Variants in PKD1 observed in about 807,000 individuals in gnomAD.
PKD1 encodes the protein polycystin-1.
PKD1 carries 81 observed loss-of-function variants against 361.7 expected under a neutral mutation model. That is an observed-to-expected ratio of 0.22 (90% CI 0.19 to 0.27). The LOEUF is 0.27. PKD1 is among the 10% of genes least tolerant of loss of function. The probability of loss-of-function intolerance (pLI) is 1.00; values close to 1 mark genes in which losing one functional copy is unlikely to be tolerated. For missense variants in PKD1, 6,399 were observed against 6,118.3 expected, an observed-to-expected ratio of 1.05 and a Z score of -1.53; for synonymous variants, 3,615 against 2,818.3, an observed-to-expected ratio of 1.28 and a Z score of -8.95.
At chr16:2,096,468 C>T (rs890875667) in intron 34 of PKD1, among the ~76,000 whole-genome samples, 1 of 152,266 alleles carries the variant, frequency 6.6e-6, no homozygotes, top group African/African-American at 2.4e-5. Context: ...ACAAGGTAAC[C>T]TCTATATGAC....
At position 2,110,122 on chromosome 16, in the gene PKD1, C is replaced by T. The variant is rs752163354; in HGVS notation, c.5045G>A (p.Gly1682Asp). The T allele has an allele frequency of 1.9e-6, 3 of 1,609,518 alleles. No homozygotes were observed. The highest frequency in any genetic ancestry group is 2.5e-6 in the Non-Finnish European group (3 of 1,179,326). Residue 1682 changes from glycine to aspartate, a missense_variant, in exon 15 of 46, where the codon GGC becomes GAC. Transcript: ENST00000262304. ...GGCCTCGAGCACGGTGAGCGAGAAG[C>T]CTTTGCCGCTGCCGGCCAGGGCCGG... Reference protein sequence around the residue: ...RGPALAGSGKGFSLTVLEAGT... With the variant: ...RGPALAGSGKDFSLTVLEAGT...
intron 1 of PKD1, chr16:2,123,570 C>A (rs571253996): frequency 1.7e-4 from 77 of 453,956 alleles, no homozygotes; most frequent in Non-Finnish European, 2.7e-4. Context: ...CCCCCCACCC[C>A]GCCCCTCGGG....
In PKD1 at chr16:2,107,875, G is replaced by C; in HGVS notation, c.7065+8C>G. ...AAGGCAAGTGGCCGAGGGGCGGGCGGCACCCACCGTCTGGTTGGTGGCCTC... is the reference window on the plus strand; with the variant it reads ...AAGGCAAGTGGCCGAGGGGCGGGCGCCACCCACCGTCTGGTTGGTGGCCTC... On this transcript the variant is annotated splice_region_variant and intron_variant, in intron 16 of 45. Transcript: ENST00000262304. The C allele has an allele frequency of 6.5e-7, 1 of 1,541,904 alleles. No homozygotes were observed. The highest frequency in any genetic ancestry group is 8.7e-7 in the Non-Finnish European group (1 of 1,145,206).
Position 2,089,297 on chromosome 16 carries a change from A to G in PKD1, c.*430T>C, listed in dbSNP as rs944028454. Reference sequence around the variant, plus strand: ...TATAAATTACTGACACGAGACACACAGTGAGACGGTGCAGGGAGTACGGTA... The same window carrying G: ...TATAAATTACTGACACGAGACACACGGTGAGACGGTGCAGGGAGTACGGTA... On this transcript the variant is annotated 3_prime_UTR_variant, in exon 46 of 46. Coordinates refer to ENST00000262304, the MANE Select transcript of PKD1 (RefSeq NM_001009944.3). 2 of 234,622 alleles carry G rather than the reference A, an allele frequency of 8.5e-6. No homozygotes were observed. Among genetic ancestry groups the G allele is most frequent in the South Asian group, 1.8e-4 (2 of 10,970 alleles). 14.5% of individuals were successfully genotyped at this position (234,622 alleles called of 1,614,324 possible). A position where few individuals can be genotyped will look rare whatever the true frequency, so the allele number is the denominator to read the frequency against.
chr16:2,100,856 A>G lies in PKD1; in HGVS notation c.9398-290T>C, dbSNP rs1245692281. The G allele has an allele frequency of 2.0e-6, 1 of 500,564 alleles. No individual in the cohort carries two copies. Among genetic ancestry groups the G allele is most frequent in the South Asian group, 2.0e-5 (1 of 48,894 alleles). 31.0% of individuals were successfully genotyped at this position (500,564 alleles called of 1,614,324 possible). ...CCACAACCAGTGACCCGCACTGCAC[A>G]CCTGTCCACGCCTCAGTCATGCCAC... On this transcript the variant is annotated intron_variant, in intron 26 of 45. Coordinates refer to ENST00000262304, the MANE Select transcript of PKD1 (RefSeq NM_001009944.3). The surrounding 1 kb of genome is among the most constrained non-coding windows in gnomAD (Gnocchi z 4.4).
At chr16:2,121,623 G>A (rs1436458293) in intron 1 of PKD1, among the ~76,000 whole-genome samples, 1 of 151,852 alleles carries the variant, frequency 6.6e-6, no homozygotes, top group Non-Finnish European at 1.5e-5. Context: ...GAGGTGAGTA[G>A]ACAGAGAGCT....
Position 2,114,316 on chromosome 16 carries a change from T to C in PKD1, c.2707A>G (p.Ser903Gly), listed in dbSNP as rs4018172. 4.3e-4 allele frequency: 700 copies of C among 1,610,422 alleles called. No homozygotes were observed. Among genetic ancestry groups the C allele is most frequent in the Non-Finnish European group, 5.6e-4 (664 of 1,179,708 alleles). Residue 903 changes from serine (S) to glycine (G), a missense_variant, in exon 11 of 46, where the codon AGT (serine) becomes GGT (glycine). Ser to Gly is a moderately conservative substitution (Grantham distance 56). Coordinates refer to ENST00000262304, the MANE Select transcript of PKD1 (RefSeq NM_001009944.3). ...LFSVVALPWL[S>G]EGEHVVDVVV... is the part of the protein sequence containing the mutation. Reference sequence around the variant, plus strand: ...ACGTCCACCACGTGCTCCCCCTCACTGAGCCACGGCAGTGCTACCACTGAG... The same window carrying C: ...ACGTCCACCACGTGCTCCCCCTCACCGAGCCACGGCAGTGCTACCACTGAG...
chr16:2,132,581 A>G (rs2092899304), intron 1 of PKD1, among the ~76,000 whole-genome samples: 1 of 145,802 alleles, frequency 6.9e-6, no homozygotes, highest in South Asian at 2.1e-4. Flanking sequence ...TCTCAAAAAA[A>G]AAAAAAAAAA....
Position 2,100,866 on chromosome 16 carries a change from G to A in PKD1, c.9398-300C>T, listed in dbSNP as rs1288856274. 2.5e-5 allele frequency: 12 copies of A among 488,608 alleles called. No individual in the cohort carries two copies. Among genetic ancestry groups the A allele is most frequent in the Non-Finnish European group, 3.4e-5 (9 of 265,760 alleles). 30.3% of individuals were successfully genotyped at this position (488,608 alleles called of 1,614,324 possible). On this transcript the variant is annotated intron_variant, in intron 26 of 45. Transcript: ENST00000262304. The surrounding 1 kb of genome is among the most constrained non-coding windows in gnomAD (Gnocchi z 4.4). Reference sequence around the variant, plus strand: ...TGACCCGCACTGCACACCTGTCCACGCCTCAGTCATGCCACAACCGGTGAC... The same window carrying A: ...TGACCCGCACTGCACACCTGTCCACACCTCAGTCATGCCACAACCGGTGAC...
rs572597381 is a variant in PKD1, at chr16:2,126,254, T to C, written c.216-6876A>G. 3.2e-3 allele frequency among the ~76,000 whole-genome samples: 495 copies of C among 152,386 alleles called. 4 individuals carry two copies. The highest frequency in any genetic ancestry group is 4.2e-3 in the Non-Finnish European group (285 of 68,042). On this transcript the variant is annotated intron_variant, in intron 1 of 45. Transcript: ENST00000262304. Reference sequence around the variant, plus strand: ...CCTGGGCATGGGCTTGCCCCAGCGCTGGCCTCATTCCTGCCTCAACCAGAA... The same window carrying C: ...CCTGGGCATGGGCTTGCCCCAGCGCCGGCCTCATTCCTGCCTCAACCAGAA...
In PKD1 at chr16:2,089,569, A is replaced by T; in HGVS notation, c.*158T>A. The T allele has an allele frequency of 2.2e-6, 2 of 919,076 alleles. No homozygotes were observed. Among genetic ancestry groups the T allele is most frequent in the Non-Finnish European group, 3.3e-6 (2 of 608,786 alleles). The allele number at this position is 919,076 out of a possible 1,614,324, so 56.9% of individuals were successfully genotyped here. ...TCCTGGTTGGCCACACAGCCTCTTT[A>T]AAGTGCTGAAGCCCACAGACAGACA... On this transcript the variant is annotated 3_prime_UTR_variant, in exon 46 of 46. Coordinates refer to ENST00000262304, the MANE Select transcript of PKD1 (RefSeq NM_001009944.3).
chr16:2,120,538 C>A (rs1267344592), intron 1 of PKD1, among the ~76,000 whole-genome samples: 2 of 151,908 alleles, frequency 1.3e-5, no homozygotes, highest in African/African-American at 4.8e-5. Context: ...CCCATCTCTA[C>A]AAGGAAAAAA....
At chr16:2,096,661 G>A (rs1033878153) in intron 34 of PKD1, among the ~76,000 whole-genome samples, 13 of 152,098 alleles carry the variant, frequency 8.5e-5, no homozygotes, top group East Asian at 1.9e-4. Flanking sequence ...GACTACAGGC[G>A]CCTGCCAGCA....
Position 2,100,254 on chromosome 16 carries a change from T to G in PKD1, c.9624A>C (p.Ala3208=), listed in dbSNP as rs745838060. ...CATTGACCAGGAAGAAGGCGCTGCGTGCCGTCTGCAGGTCCCTGACGATGA... is the reference window on the plus strand; with the variant it reads ...CATTGACCAGGAAGAAGGCGCTGCGGGCCGTCTGCAGGTCCCTGACGATGA... ...QHVIVRDLQT[A]RSAFFLVNDW... is the part of the protein sequence containing the mutation. The change falls in exon 28 of 46, where the codon GCA becomes GCC. Residue 3208 remains alanine, a synonymous_variant. Transcript: ENST00000262304. This position sits in a 1 kb window ranked among gnomAD's most constrained non-coding sequence, Gnocchi z 4.4. 6.2e-7 allele frequency: 1 copy of G among 1,610,700 alleles called. No individual in the cohort carries two copies. Among genetic ancestry groups the G allele is most frequent in the Admixed American group, 1.7e-5 (1 of 60,018 alleles).
chr16:2,107,534 G>C (rs185024296), intron 16 of PKD1: 3 of 419,536 alleles, frequency 7.2e-6, no homozygotes, highest in African/African-American at 4.0e-5. Context: ...GGTCCAGAGA[G>C]GGGAGCGTGA....
In PKD1 at chr16:2,109,344, G is replaced by T; in HGVS notation, c.5823C>A (p.Pro1941=). ...CGCTCACCACGTGGTCTCCGACGCG[G>T]GGGAAGCTGTGGGAGAAACGGGGCC... ...LPGPRFSHSF[P]RVGDHVVSVR... The change falls in exon 15 of 46, where the codon CCC becomes CCA. Residue 1941 remains proline, a synonymous_variant. Coordinates refer to ENST00000262304, the MANE Select transcript of PKD1 (RefSeq NM_001009944.3). 2.5e-6 allele frequency: 4 copies of T among 1,591,590 alleles called. No homozygotes were observed. Among genetic ancestry groups the T allele is most frequent in the Non-Finnish European group, 3.4e-6 (4 of 1,173,244 alleles).
Position 2,100,326 on chromosome 16 carries a change from G to A in PKD1, c.9569-17C>T, listed in dbSNP as rs778741649. On this transcript the variant is annotated splice_polypyrimidine_tract_variant and intron_variant, in intron 27 of 45. Transcript: ENST00000262304. The surrounding 1 kb of genome is among the most constrained non-coding windows in gnomAD (Gnocchi z 4.4). ...GGCTGAGCCCTGCAGAGGCGCAGGA[G>A]GGAGGTCAGGCTCGCAGGGCGCCCC... 2.5e-6 allele frequency: 4 copies of A among 1,610,014 alleles called. No homozygotes were observed. Among genetic ancestry groups the A allele is most frequent in the South Asian group, 1.1e-5 (1 of 90,984 alleles).
In PKD1 at chr16:2,099,633, C is replaced by T. The variant is rs1411521672; in HGVS notation, c.10050+11G>A. 3.2e-6 allele frequency: 5 copies of T among 1,586,646 alleles called. No homozygotes were observed. In the African/African-American group the frequency reaches 4.0e-5, roughly 13 times the overall value. ...ATTCCCAGTACTCCCGGGTCCCCAG[C>T]CCCAGCCCACCTTGCTCCGGGACAT... On this transcript the variant is annotated intron_variant, in intron 30 of 45. Coordinates refer to ENST00000262304, the MANE Select transcript of PKD1 (RefSeq NM_001009944.3).
At chr16:2,098,696 T>C (rs1281208329) in intron 30 of PKD1, 2 of 145,490 alleles carry the variant, frequency 1.4e-5, no homozygotes, top group Non-Finnish European at 2.9e-5. Flanking sequence ...GCCTCCCGTT[T>C]CCGTATGAAT....
Sources: gnomAD v4.1 joint callset for allele counts (sites outside exome capture counted in the v4.1 genomes callset) on GRCh38, gnomAD v4.1.1 for gene constraint, Gnocchi (gnomAD v3.1) non-coding constraint, MANE v1.5 for transcripts, NCBI Gene and HGNC (gene_info 2026-07-23, HGNC 2026-07-21) for gene names.